Variants in CRADD observed in about 807,000 individuals in gnomAD.
CRADD encodes CARD and death domain containing adaptor protein.
In CRADD, 9 loss-of-function variants were observed where a neutral mutation model predicts 15.5. The observed-to-expected ratio is 0.58, with a 90% CI of 0.35 to 1.01. CRADD has a LOEUF of 1.01. Among genes scored for constraint, CRADD ranks in the 50% least tolerant of loss-of-function variants. CRADD has a pLI of 0.02. For missense variants in CRADD, 227 were observed against 250.3 expected (o/e 0.91, Z 0.63); for synonymous variants, 118 against 107.6 (o/e 1.10, Z -0.60).
At chr12:93,775,242 C>A (rs1042978058) in intron 2 of CRADD, among the ~76,000 whole-genome samples, 2 of 152,158 alleles carry the variant, frequency 1.3e-5, no homozygotes, top group Non-Finnish European at 2.9e-5. Context: ...TATCACATGC[C>A]AGCAAGTTTT....
At chr12:93,724,924 G>A (rs376282596) in intron 2 of CRADD, among the ~76,000 whole-genome samples, 7 of 151,620 alleles carry the variant, frequency 4.6e-5, no homozygotes, top group South Asian at 2.1e-4. Context: ...GCAGTGGCGC[G>A]ATCTCGGCTC....
chr12:93,760,143 G>A (rs989929977), intron 2 of CRADD, among the ~76,000 whole-genome samples: 11 of 151,912 alleles, frequency 7.2e-5, no homozygotes, highest in Middle Eastern at 3.2e-3. Context: ...AAAGTAAAGA[G>A]GATAGAGAAA....
intron 2 of CRADD, among the ~76,000 whole-genome samples, chr12:93,820,336 T>C (rs1060712): frequency 0.18 from 27,829 of 151,824 alleles, 2,842 homozygotes; most frequent in East Asian, 0.43. Context: ...GGTCAGGAGA[T>C]AGAGACCATC....
intron 2 of CRADD, among the ~76,000 whole-genome samples, chr12:93,777,351 C>T (rs1002581972): frequency 9.2e-5 from 14 of 152,328 alleles, no homozygotes; most frequent in Admixed American, 9.1e-4. Context: ...ATTTCTTACT[C>T]GTTGTTCTTG....
intron 2 of CRADD, among the ~76,000 whole-genome samples, chr12:93,893,575 C>G (rs1374350653): frequency 6.6e-6 from 1 of 152,102 alleles, no homozygotes; most frequent in Non-Finnish European, 1.5e-5. Context: ...TTTATAAATA[C>G]TCGGCTAAAT....
intron 2 of CRADD, among the ~76,000 whole-genome samples, chr12:93,885,638 G>T (rs1485631680): frequency 6.6e-6 from 1 of 152,162 alleles, no homozygotes; most frequent in East Asian, 1.9e-4. Context: ...AAGCTTGTGT[G>T]ATCTGGGTAT....
intron 2 of CRADD, among the ~76,000 whole-genome samples, chr12:93,855,783 C>T (rs1163118836): frequency 6.6e-6 from 1 of 152,148 alleles, no homozygotes; most frequent in Admixed American, 6.5e-5. Context: ...TTTGTTAAAC[C>T]ATTGAGTTGA....
chr12:93,777,451 G>A (rs1398144888), intron 2 of CRADD, among the ~76,000 whole-genome samples: 1 of 152,202 alleles, frequency 6.6e-6, no homozygotes, highest in African/African-American at 2.4e-5. Context: ...CTGTGCTCCA[G>A]CATTTGGAAA....
At chr12:93,867,646 T>C (rs1369484594) in intron 2 of CRADD, among the ~76,000 whole-genome samples, 1 of 152,060 alleles carries the variant, frequency 6.6e-6, no homozygotes, top group Non-Finnish European at 1.5e-5. Context: ...CTGTCTATTT[T>C]AGAGATTGCA....
chr12:93,830,692 A>G (rs1215486479), intron 2 of CRADD, among the ~76,000 whole-genome samples: 1 of 152,194 alleles, frequency 6.6e-6, no homozygotes, highest in Admixed American at 6.5e-5. Flanking sequence ...AATACTTGCT[A>G]GGATAATCAT....
At chr12:93,761,359 C>G (rs182817127) in intron 2 of CRADD, among the ~76,000 whole-genome samples, 11 of 152,060 alleles carry the variant, frequency 7.2e-5, no homozygotes, top group Admixed American at 6.6e-4. Flanking sequence ...TTAGGAGGCT[C>G]TAGTGGTGGT....
At chr12:93,820,600 C>T (rs931438641) in intron 2 of CRADD, among the ~76,000 whole-genome samples, 1 of 152,000 alleles carries the variant, frequency 6.6e-6, no homozygotes, top group African/African-American at 2.4e-5. Context: ...AGACGCATCA[C>T]TGGGCCAGGA....
chr12:93,861,590 C>T (rs1458526861), intron 2 of CRADD, among the ~76,000 whole-genome samples: 1 of 152,206 alleles, frequency 6.6e-6, no homozygotes, highest in South Asian at 2.1e-4. Context: ...TGCACCTCAA[C>T]TCAGGACAAC....
At chr12:93,849,735 C>G (rs370180934) in intron 2 of CRADD, among the ~76,000 whole-genome samples, 2 of 141,452 alleles carry the variant, frequency 1.4e-5, no homozygotes, top group African/African-American at 5.4e-5. Flanking sequence ...AGTGAAACAC[C>G]GTCTCAAAAA....
chr12:93,856,694 T>G (rs1958277786), intron 2 of CRADD, among the ~76,000 whole-genome samples: 1 of 152,206 alleles, frequency 6.6e-6, no homozygotes, highest in African/African-American at 2.4e-5. Flanking sequence ...ATTTAGAAAC[T>G]AAGTGGCAAA....
chr12:93,861,366 T>G (rs7972283), intron 2 of CRADD, among the ~76,000 whole-genome samples: 67,376 of 152,134 alleles, frequency 0.44, 15,233 homozygotes, highest in Middle Eastern at 0.56. Context: ...AGAGAGGGGC[T>G]CCAATCAAGA....
At chr12:93,788,122 T>C (rs1957300591) in intron 2 of CRADD, among the ~76,000 whole-genome samples, 1 of 152,166 alleles carries the variant, frequency 6.6e-6, no homozygotes, top group African/African-American at 2.4e-5. Flanking sequence ...GTTCTTATGC[T>C]GCTATGAAGA....
At chr12:93,829,268 T>TC (rs922613507) in intron 2 of CRADD, among the ~76,000 whole-genome samples, 6 of 152,082 alleles carry the variant, frequency 3.9e-5, no homozygotes, top group Non-Finnish European at 8.8e-5. Context: ...ATGCTCTCCT[T>TC]CCCCCAGCTG....
intron 2 of CRADD, among the ~76,000 whole-genome samples, chr12:93,680,210 G>A (rs943277715): frequency 7.2e-5 from 11 of 151,920 alleles, no homozygotes; most frequent in African/African-American, 2.7e-4. Context: ...AAAAAAAAAA[G>A]TAATTGAAAG....
Sources: gnomAD v4.1 joint callset for allele counts (sites outside exome capture counted in the v4.1 genomes callset) on GRCh38, gnomAD v4.1.1 for gene constraint, MANE v1.5 for transcripts, NCBI Gene and HGNC (gene_info 2026-07-23, HGNC 2026-07-21) for gene names.